The following PAPOLB variants were observed in gnomAD, a reference collection of about 807,000 sequenced individuals.
PAPOLB encodes the protein PAP-beta.
In PAPOLB, 19 loss-of-function variants were observed where a neutral mutation model predicts 23.2. That is an observed-to-expected ratio of 0.82 (90% confidence interval 0.57 to 1.20). The LOEUF (loss-of-function observed/expected upper bound fraction) is 1.20, where lower values mean the gene tolerates loss of function less well. PAPOLB is among the 50% of genes most tolerant of loss of function. PAPOLB has a pLI of 0.00. For missense variants in PAPOLB, 822 were observed against 776.8 expected, an observed-to-expected ratio of 1.06 and a Z score of -0.69; for synonymous variants, 360 against 290.7, an observed-to-expected ratio of 1.24 and a Z score of -2.43.
Position 4,861,670 on chromosome 7 carries a change from G to C in PAPOLB, c.141C>G (p.Leu47=), listed in dbSNP as rs774800091. 59 of 1,600,778 alleles carry C rather than the reference G, an allele frequency of 3.7e-5. No individual in the cohort carries two copies. Among genetic ancestry groups the C allele is most frequent in the Non-Finnish European group, 4.9e-5 (57 of 1,173,864 alleles). Residue 47 remains leucine, a synonymous_variant, in exon 1 of 1, where the codon CTC becomes CTG. Transcript: ENST00000404991. ...CLLTQRLIET[L]RPFGVFEEEE... ...CCTCTTCGAAGACCCCGAAGGGCCT[G>C]AGGGTTTCTATTAGCCTCTGGGTGA...
Position 4,859,716 on chromosome 7 carries a change from C to A in PAPOLB, c.*181G>T. On this transcript the variant is annotated 3_prime_UTR_variant, in exon 1 of 1. Coordinates refer to ENST00000404991, the MANE Select transcript of PAPOLB (RefSeq NM_020144.5). ...TTCTTGATAACAGGAATTGGATTTG[C>A]AGGGAGAACAGGGATACCGGAAAGA... is the stretch of plus-strand genomic sequence containing the variant. 1.7e-6 allele frequency: 1 copy of A among 588,184 alleles called. No homozygotes were observed. The highest frequency in any genetic ancestry group is 2.2e-5 in the South Asian group (1 of 45,062). 36.4% of individuals were successfully genotyped at this position (588,184 alleles called of 1,614,324 possible).
rs545943331 is a variant in PAPOLB, at chr7:4,857,742, T to C, written c.*2155A>G. 1.3e-5 allele frequency: 2 copies of C among 152,626 alleles called. No individual in the cohort carries two copies. The highest frequency in any genetic ancestry group is 6.6e-5 in the Admixed American group (1 of 15,266). The allele number at this position is 152,626 out of a possible 1,614,324, so 9.5% of individuals were successfully genotyped here. A position where few individuals can be genotyped will look rare whatever the true frequency, so the allele number is the denominator to read the frequency against. ...AGTATTTTAGTTTCACTTTGCTTGT[T>C]TGCCATTTATTTTTATTGCATTTTT... On this transcript the variant is annotated 3_prime_UTR_variant, in exon 1 of 1. Coordinates refer to ENST00000404991, the MANE Select transcript of PAPOLB (RefSeq NM_020144.5).
rs1317056497 is a variant in PAPOLB at position 4,858,361 on chromosome 7, A to G, written c.*1536T>C. 1 of 152,220 alleles carries G rather than the reference A, an allele frequency of 6.6e-6. No homozygotes were observed. The highest frequency in any genetic ancestry group is 1.5e-5 in the Non-Finnish European group (1 of 68,020). The allele number at this position is 152,220 out of a possible 1,614,324, so 9.4% of individuals were successfully genotyped here. On this transcript the variant is annotated 3_prime_UTR_variant, in exon 1 of 1. Coordinates refer to ENST00000404991, the MANE Select transcript of PAPOLB (RefSeq NM_020144.5). ...AGAAAGACTCAACTTTCATTCATTCACATCTGTTGCCCCTCACATTTCCTA... is the reference window on the plus strand; with the variant it reads ...AGAAAGACTCAACTTTCATTCATTCGCATCTGTTGCCCCTCACATTTCCTA...
Position 4,861,556 on chromosome 7 carries a change from A to G in PAPOLB, c.255T>C (p.Ser85=), listed in dbSNP as rs1783997435. 1 of 1,613,984 alleles carries G rather than the reference A, an allele frequency of 6.2e-7. No homozygotes were observed. Among genetic ancestry groups the G allele is most frequent in the South Asian group, 1.1e-5 (1 of 91,060 alleles). The change falls in exon 1 of 1, where the codon AGT becomes AGC. Residue 85 remains serine (S), a synonymous_variant. Coordinates refer to ENST00000404991, the MANE Select transcript of PAPOLB (RefSeq NM_020144.5). ...CGTTTTCAATTACAGACTGGGGAAG[A>G]CTCTTGCTTTCACTGATTTCGCGTA... ...EWIREISESK[S]LPQSVIENVG...
rs778101326 is a variant in PAPOLB, at chr7:4,859,583, G to A, written c.*314C>T. ...TCTATTTCAAGTCATATCTAGTCCCGTACCCCTCATTCTCCTTCCTTAGTA... is the reference window on the plus strand; with the variant it reads ...TCTATTTCAAGTCATATCTAGTCCCATACCCCTCATTCTCCTTCCTTAGTA... On this transcript the variant is annotated 3_prime_UTR_variant, in exon 1 of 1. Coordinates refer to ENST00000404991, the MANE Select transcript of PAPOLB (RefSeq NM_020144.5). 8.2e-5 allele frequency: 25 copies of A among 306,304 alleles called. No homozygotes were observed. Among genetic ancestry groups the A allele is most frequent in the African/African-American group, 1.1e-4 (5 of 46,028 alleles). The allele number at this position is 306,304 out of a possible 1,614,324, so 19.0% of individuals were successfully genotyped here. A position where few individuals can be genotyped will look rare whatever the true frequency, so the allele number is the denominator to read the frequency against.
chr7:4,860,363 T>A lies in PAPOLB; in HGVS notation c.1448A>T (p.Lys483Ile), dbSNP rs369255595. The stretch of plus-strand genomic sequence containing the variant: ...TCTTCTTAAATGCATTGCAGTAATT[T>A]TCATACCCATCTCAAACATCTTACT... Reference protein sequence around the residue: ...VNSKMFEMGMKITAMHLRRKE... With the variant: ...VNSKMFEMGMIITAMHLRRKE... Residue 483 changes from lysine to isoleucine, a missense_variant, in exon 1 of 1, where the codon AAA becomes ATA. By Grantham distance (102) the Lys-to-Ile change is moderately radical (BLOSUM62 -3). This residue lies in a region of PAPOLB where 534 missense variants were observed against 502.8 expected (regional missense o/e 1.06). Transcript: ENST00000404991. 3.1e-6 allele frequency: 5 copies of A among 1,613,900 alleles called. No individual in the cohort carries two copies. The highest frequency in any genetic ancestry group is 2.7e-5 in the African/African-American group (2 of 74,934).
In PAPOLB at chr7:4,860,945, T is replaced by C. The variant is rs1783974654; in HGVS notation, c.866A>G (p.Lys289Arg). 6.2e-7 allele frequency: 1 copy of C among 1,614,242 alleles called. No homozygotes were observed. Among genetic ancestry groups the C allele is most frequent in the East Asian group, 2.2e-5 (1 of 44,888 alleles). Residue 289 changes from lysine (K) to arginine (R), a missense_variant, in exon 1 of 1, where the codon AAG becomes AGG. Transcript: ENST00000404991. ...ATTAAGATTCCGTTCTTCAGGCTCCTTCAGTAACACTGGGTTTGGCCATTC... is the reference window on the plus strand; with the variant it reads ...ATTAAGATTCCGTTCTTCAGGCTCCCTCAGTAACACTGGGTTTGGCCATTC... ...EWEWPNPVLL[K>R]EPEERNLNLP...
rs1158371844 is a variant in PAPOLB, at chr7:4,860,745, T to C, written c.1066A>G (p.Lys356Glu). Residue 356 changes from lysine to glutamate, a missense_variant, in exon 1 of 1, where the codon AAG becomes GAG. Around this residue, in one of 3 missense-constraint regions of PAPOLB, gnomAD observed 534 missense variants for 502.8 expected, o/e 1.06. Coordinates refer to ENST00000404991, the MANE Select transcript of PAPOLB (RefSeq NM_020144.5). The part of the protein sequence containing the change: ...LAITHEILLS[K>E]AEWSKLFEAP... ...TCAAAGAGTTTGGACCACTCTGCCT[T>C]ACTTAGCAAAATCTCGTGTGTGATA... 6.2e-7 allele frequency: 1 copy of C among 1,614,044 alleles called. No homozygotes were observed. The highest frequency in any genetic ancestry group is 1.6e-4 in the Middle Eastern group (1 of 6,084).
At position 4,860,022 on chromosome 7, in the gene PAPOLB, C is replaced by T. The variant is rs988932444; in HGVS notation, c.1789G>A (p.Ala597Thr). Residue 597 changes from alanine to threonine, a missense_variant, in exon 1 of 1, where the codon GCT (alanine) becomes ACT (threonine). Coordinates refer to ENST00000404991, the MANE Select transcript of PAPOLB (RefSeq NM_020144.5). The stretch of plus-strand genomic sequence containing the variant: ...GGAGAAATGGCAGGCTGAGAGACAG[C>T]GTGAGGAATACTTTCGTTTAATGCA... ...GVALNESIPH[A>T]VSQPAISPSP... 5 of 1,613,782 alleles carry T rather than the reference C, an allele frequency of 3.1e-6. No individual in the cohort carries two copies. In the African/African-American group the frequency reaches 4.0e-5, roughly 13 times the overall value.
chr7:4,860,444 T>C lies in PAPOLB; in HGVS notation c.1367A>G (p.Asp456Gly). 6.2e-7 allele frequency: 1 copy of C among 1,614,204 alleles called. No homozygotes were observed. The highest frequency in any genetic ancestry group is 8.5e-7 in the Non-Finnish European group (1 of 1,180,002). Residue 456 changes from aspartate (D) to glycine (G), a missense_variant, in exon 1 of 1, where the codon GAT becomes GGT. This residue lies in a region of PAPOLB where 534 missense variants were observed against 502.8 expected (regional missense o/e 1.06). Transcript: ENST00000404991. ...GAAAGACTGGATATCATAGGTGAGA[T>C]CAATGCTGAGAATTTCAGAATTATC... ...KPDNSEILSIDLTYDIQSFTD... is the reference protein window; with the variant it reads ...KPDNSEILSIGLTYDIQSFTD...
rs780816657 is a variant in PAPOLB at position 4,860,401 on chromosome 7, C to T, written c.1410G>A (p.Arg470=). The T allele has an allele frequency of 1.2e-6, 2 of 1,613,680 alleles. No individual in the cohort carries two copies. Among genetic ancestry groups the T allele is most frequent in the South Asian group, 1.1e-5 (1 of 91,058 alleles). The stretch of plus-strand genomic sequence containing the variant: ...CAAACATCTTACTATTCACTGCTTG[C>T]CTATAAACAGTATCTGTGAAAGACT... ...DIQSFTDTVY[R]QAVNSKMFEM... Residue 470 remains arginine, a synonymous_variant, in exon 1 of 1, where the codon AGG becomes AGA. Transcript: ENST00000404991.
chr7:4,859,708 T>C lies in PAPOLB; in HGVS notation c.*189A>G, dbSNP rs922851510. On this transcript the variant is annotated 3_prime_UTR_variant, in exon 1 of 1. Transcript: ENST00000404991. ...TTACTGAATTCTTGATAACAGGAATTGGATTTGCAGGGAGAACAGGGATAC... is the reference window on the plus strand; with the variant it reads ...TTACTGAATTCTTGATAACAGGAATCGGATTTGCAGGGAGAACAGGGATAC... 5 of 586,956 alleles carry C rather than the reference T, an allele frequency of 8.5e-6. No individual in the cohort carries two copies. Among genetic ancestry groups the C allele is most frequent in the African/African-American group, 5.6e-5 (3 of 53,644 alleles). 36.4% of individuals were successfully genotyped at this position (586,956 alleles called of 1,614,324 possible). A position where few individuals can be genotyped will look rare whatever the true frequency, so the allele number is the denominator to read the frequency against.
In PAPOLB at chr7:4,859,338, A is replaced by G. The variant is rs139199186; in HGVS notation, c.*559T>C. On this transcript the variant is annotated 3_prime_UTR_variant, in exon 1 of 1. Coordinates refer to ENST00000404991, the MANE Select transcript of PAPOLB (RefSeq NM_020144.5). ...GAATTCTGATACCAGTTTGTATTGC[A>G]TATTTTCCCAACAATGCATCAAGCA... 622 of 153,140 alleles carry G rather than the reference A, an allele frequency of 4.1e-3. 4 individuals carry two copies. The highest frequency in any genetic ancestry group is 4.9e-3 in the Non-Finnish European group (336 of 68,336). The allele number at this position is 153,140 out of a possible 1,614,324, so 9.5% of individuals were successfully genotyped here.
Position 4,860,650 on chromosome 7 carries a change from T to C in PAPOLB, c.1161A>G (p.Gln387=). 1.2e-6 allele frequency: 2 copies of C among 1,614,212 alleles called. No homozygotes were observed. The highest frequency in any genetic ancestry group is 1.1e-5 in the South Asian group (1 of 91,084). Reference sequence around the variant, plus strand: ...CCACCAAGCCCACCCATTCTAAATGTTGTTTTTCTGTTGATGCACTTGCCA... The same window carrying C: ...CCACCAAGCCCACCCATTCTAAATGCTGTTTTTCTGTTGATGCACTTGCCA... ...VLLASASTEK[Q]HLEWVGLVES... The change falls in exon 1 of 1, where the codon CAA becomes CAG. Residue 387 remains glutamine, a synonymous_variant. Transcript: ENST00000404991.
rs894270210 is a variant in PAPOLB at position 4,860,160 on chromosome 7, T to C, written c.1651A>G (p.Ser551Gly). ...GCAGGACTGTTTCTACCCTGAGAAC[T>C]GCTAATCAATGGGCCTGTCTTCATA... ...STMKTGPLIS[S>G]SQGRNSPALA... Residue 551 changes from serine to glycine, a missense_variant, in exon 1 of 1, where the codon AGT becomes GGT. Coordinates refer to ENST00000404991, the MANE Select transcript of PAPOLB (RefSeq NM_020144.5). The C allele has an allele frequency of 6.2e-6, 10 of 1,613,882 alleles. No homozygotes were observed. Among genetic ancestry groups the C allele is most frequent in the Admixed American group, 1.7e-5 (1 of 60,006 alleles).
rs571403761 is a variant in PAPOLB, at chr7:4,859,807, T to A, written c.*90A>T. On this transcript the variant is annotated 3_prime_UTR_variant, in exon 1 of 1. Transcript: ENST00000404991. ...TGTCTGAATTTTTCTAATGGAGTTG[T>A]ACTTGTCTTTGTATTGAGTTTCTCC... The A allele has an allele frequency of 2.6e-6, 2 of 754,884 alleles. No homozygotes were observed. The highest frequency in any genetic ancestry group is 3.7e-5 in the South Asian group (2 of 54,630). The allele number at this position is 754,884 out of a possible 1,614,324, so 46.8% of individuals were successfully genotyped here.
In PAPOLB at chr7:4,860,323, C is replaced by G; in HGVS notation, c.1488G>C (p.Gln496His). 3 of 1,614,016 alleles carry G rather than the reference C, an allele frequency of 1.9e-6. No individual in the cohort carries two copies. The highest frequency in any genetic ancestry group is 1.3e-5 in the African/African-American group (1 of 75,062). Residue 496 changes from glutamine (Q) to histidine (H), a missense_variant, in exon 1 of 1, where the codon CAG becomes CAC. By Grantham distance (24) the Gln-to-His change is conservative (BLOSUM62 0). Coordinates refer to ENST00000404991, the MANE Select transcript of PAPOLB (RefSeq NM_020144.5). Reference protein sequence around the residue: ...AMHLRRKELHQLLPHHVLQDK... With the variant: ...AMHLRRKELHHLLPHHVLQDK... ...CCTGAAGCACATGATGAGGCAGCAG[C>G]TGGTGAAGTTCCTTTCTTCTTAAAT...
Position 4,857,771 on chromosome 7 carries a change from G to A in PAPOLB, c.*2126C>T, listed in dbSNP as rs932100236. ...CATTTATTTTTATTGCATTTTTAAT[G>A]GAGAAATAAGTCATCTGTTTTCAAA... On this transcript the variant is annotated 3_prime_UTR_variant, in exon 1 of 1. Coordinates refer to ENST00000404991, the MANE Select transcript of PAPOLB (RefSeq NM_020144.5). 8 of 152,464 alleles carry A rather than the reference G, an allele frequency of 5.2e-5. No individual in the cohort carries two copies. The South Asian group carries it at 8.3e-4, about 16-fold the overall frequency. 9.4% of individuals were successfully genotyped at this position (152,464 alleles called of 1,614,324 possible).
Position 4,860,891 on chromosome 7 carries a change from G to A in PAPOLB, c.920C>T (p.Pro307Leu). 3.1e-6 allele frequency: 5 copies of A among 1,614,150 alleles called. No individual in the cohort carries two copies. Among genetic ancestry groups the A allele is most frequent in the Non-Finnish European group, 4.2e-6 (5 of 1,180,028 alleles). ...AGGCATAAGATGGTACCTATCACTG[G>A]GATTTACTCTTGGGTCCCATACAGG... is the stretch of plus-strand genomic sequence containing the variant. The part of the protein sequence containing the change: ...NLPVWDPRVN[P>L]SDRYHLMPII... The change falls in exon 1 of 1, where the codon CCC (proline) becomes CTC (leucine). Residue 307 changes from proline to leucine, a missense_variant. Pro to Leu is a moderately conservative substitution (Grantham distance 98). Transcript: ENST00000404991.
Sources: allele counts gnomAD v4.1 joint callset, GRCh38; gene constraint gnomAD v4.1.1; regional missense constraint gnomAD v4.1.1; transcripts MANE v1.5; gene names NCBI Gene and HGNC (gene_info 2026-07-23, HGNC 2026-07-21).